CD247: variants seen among roughly 807,000 people sequenced by gnomAD.
CD247 encodes the protein T-cell surface glycoprotein CD3 zeta chain.
Under a neutral mutation model 30.0 loss-of-function variants are expected in CD247, and 13 were observed. The observed-to-expected ratio is 0.43, with a 90% CI of 0.28 to 0.69. CD247 has a LOEUF of 0.69. CD247 is among the 30% of genes least tolerant of loss of function. The pLI is 0.16. For missense variants in CD247, 193 were observed against 212.6 expected (o/e 0.91, Z 0.57); for synonymous variants, 72 against 80.0 (o/e 0.90, Z 0.53).
At chr1:167,471,831 CTTTT>C (rs111891678) in intron 1 of CD247, among the ~76,000 whole-genome samples, 2 of 117,172 alleles carry the variant, frequency 1.7e-5, no homozygotes, top group Admixed American at 9.9e-5. Flanking sequence ...CTGTTTCTTT[CTTTT>C]TTTTTTTTTT....
intron 1 of CD247, among the ~76,000 whole-genome samples, chr1:167,492,872 G>A (rs766303988): frequency 2.0e-4 from 30 of 152,126 alleles, no homozygotes; most frequent in Non-Finnish European, 2.9e-4. Context: ...CTATCATGGC[G>A]TCTGCTAGGG....
In CD247 at chr1:167,430,674, G is replaced by A. The variant is rs1337582871; in HGVS notation, c.*1007C>T. On this transcript the variant is annotated 3_prime_UTR_variant, in exon 8 of 8. Transcript: ENST00000362089. ...ACTGAAGCATTTATTATGCAAAATA[G>A]GAAGGCTTTAGCATGCCAGTATAAA... 2.5e-6 allele frequency: 1 copy of A among 398,560 alleles called. No homozygotes were observed. Among genetic ancestry groups the A allele is most frequent in the East Asian group, 3.6e-5 (1 of 28,094 alleles). 24.7% of individuals were successfully genotyped at this position (398,560 alleles called of 1,614,324 possible).
At chr1:167,485,679 C>T (rs990131588) in intron 1 of CD247, among the ~76,000 whole-genome samples, 7 of 152,058 alleles carry the variant, frequency 4.6e-5, no homozygotes, top group East Asian at 1.9e-4. Context: ...AGGTGGTTAA[C>T]GCCAGGGCAG....
intron 1 of CD247, among the ~76,000 whole-genome samples, chr1:167,444,786 A>C (rs1308731303): frequency 6.6e-6 from 1 of 152,212 alleles, no homozygotes; most frequent in African/African-American, 2.4e-5. Flanking sequence ...AGATGCAATA[A>C]AATTAAAGCT....
At chr1:167,515,015 C>A (rs1483134400) in intron 1 of CD247, among the ~76,000 whole-genome samples, 1 of 152,184 alleles carries the variant, frequency 6.6e-6, no homozygotes, top group Non-Finnish European at 1.5e-5. Context: ...TAAGCCAGAG[C>A]TCCCCAGGAC....
intron 4 of CD247, among the ~76,000 whole-genome samples, chr1:167,436,319 C>T (rs1451595908): frequency 8.5e-5 from 13 of 152,314 alleles, no homozygotes; most frequent in African/African-American, 2.9e-4. Flanking sequence ...TGCCTCCACA[C>T]AATAAAGGCC....
chr1:167,480,912 C>T (rs1653946561), intron 1 of CD247, among the ~76,000 whole-genome samples: 1 of 152,176 alleles, frequency 6.6e-6, no homozygotes, highest in Non-Finnish European at 1.5e-5. Context: ...TGTGAAACAA[C>T]AAGGCTGACA....
chr1:167,434,292 C>T (rs993882641), intron 5 of CD247: 16 of 606,558 alleles, frequency 2.6e-5, no homozygotes, highest in Admixed American at 1.6e-4. Context: ...GAGTCTCCTC[C>T]GAGCTGCCAG....
chr1:167,489,017 G>A (rs538508578), intron 1 of CD247, among the ~76,000 whole-genome samples: 4 of 152,154 alleles, frequency 2.6e-5, no homozygotes, highest in Non-Finnish European at 5.9e-5. Flanking sequence ...TCCACACCTC[G>A]TGGAGAGGTA....
At chr1:167,496,465 G>T (rs935106995) in intron 1 of CD247, among the ~76,000 whole-genome samples, 2 of 152,188 alleles carry the variant, frequency 1.3e-5, no homozygotes, top group African/African-American at 2.4e-5. Context: ...GCCTGAGAGG[G>T]GATCTGCTTA....
At chr1:167,503,211 T>C (rs1207292626) in intron 1 of CD247, among the ~76,000 whole-genome samples, 4 of 152,044 alleles carry the variant, frequency 2.6e-5, no homozygotes, top group African/African-American at 9.7e-5. Context: ...CTTTAGGAGG[T>C]CCCCCTGGGG....
chr1:167,447,765 C>T (rs1652155627), intron 1 of CD247, among the ~76,000 whole-genome samples: 1 of 152,128 alleles, frequency 6.6e-6, no homozygotes, highest in Non-Finnish European at 1.5e-5. Flanking sequence ...ATATGAATCA[C>T]AGTAGCTCAT....
chr1:167,469,968 C>T (rs1406346933), intron 1 of CD247, among the ~76,000 whole-genome samples: 2 of 152,104 alleles, frequency 1.3e-5, no homozygotes, highest in African/African-American at 4.8e-5. Context: ...GGCTGGAGTG[C>T]AATGGTGCGA....
At chr1:167,467,514 G>A (rs1223347254) in intron 1 of CD247, among the ~76,000 whole-genome samples, 2 of 152,212 alleles carry the variant, frequency 1.3e-5, no homozygotes, top group Non-Finnish European at 2.9e-5. Context: ...GCACTTTGCA[G>A]TTAAATAGAA....
intron 1 of CD247, among the ~76,000 whole-genome samples, chr1:167,506,310 CTTTCTTTTCT>C (rs1558032507): frequency 7.3e-6 from 1 of 136,094 alleles, no homozygotes; most frequent in East Asian, 2.1e-4. Flanking sequence ...TTTTCCTTTC[CTTTCTTTTCT>C]TTTCTTTTTT....
chr1:167,438,660 A>G lies in CD247; in HGVS notation c.220-10T>C, dbSNP rs989564540. The G allele has an allele frequency of 1.6e-5, 26 of 1,608,106 alleles. No homozygotes were observed. The highest frequency in any genetic ancestry group is 2.1e-5 in the Non-Finnish European group (25 of 1,174,604). ...GTCCTAGATTGAGCTCCTATAACAG[A>G]TAAGAAAGTGTCAGACACAGGACGG... On this transcript the variant is annotated splice_polypyrimidine_tract_variant and intron_variant, in intron 3 of 7. Coordinates refer to ENST00000362089, the MANE Select transcript of CD247 (RefSeq NM_198053.3).
At chr1:167,457,511 C>T (rs181741346) in intron 1 of CD247, 1 of 152,284 alleles carries the variant, frequency 6.6e-6, no homozygotes. Flanking sequence ...GAAGGGGAGC[C>T]CTGCTGTGAG....
intron 4 of CD247, among the ~76,000 whole-genome samples, chr1:167,437,670 C>T (rs1362150814): frequency 6.6e-6 from 1 of 152,122 alleles, no homozygotes; most frequent in Admixed American, 6.6e-5. Context: ...CAGTTTAACT[C>T]ACTGAAGCAT....
intron 1 of CD247, among the ~76,000 whole-genome samples, chr1:167,502,317 A>G (rs1187651496): frequency 6.6e-6 from 1 of 152,202 alleles, no homozygotes; most frequent in East Asian, 1.9e-4. Context: ...ACTCCCCCAG[A>G]TAGTCTTGGA....
Sources: allele counts gnomAD v4.1 joint callset (sites outside exome capture counted in the v4.1 genomes callset), GRCh38; gene constraint gnomAD v4.1.1; transcripts MANE v1.5; gene names NCBI Gene and HGNC (gene_info 2026-07-23, HGNC 2026-07-21).